Variants in ASMTL observed in about 807,000 individuals in gnomAD.
ASMTL encodes acetylserotonin O-methyltransferase like.
ASMTL carries 57 observed loss-of-function variants against 60.3 expected under a neutral mutation model. That is an observed-to-expected ratio of 0.95 (90% CI 0.76 to 1.18). The LOEUF is 1.18. ASMTL is among the 50% of genes most tolerant of loss of function. The pLI, the probability that ASMTL is intolerant of heterozygous loss-of-function variation, is 0.00. For missense variants in ASMTL, 981 were observed against 852.6 expected (o/e 1.15, Z -1.88); for synonymous variants, 419 against 373.0 (o/e 1.12, Z -1.42).
rs1218809137 is a variant in ASMTL at position 1,439,274 on chromosome X, G to A, written c.226-130C>T. 36 of 855,304 alleles carry A rather than the reference G, an allele frequency of 4.2e-5. No individual in the cohort carries two copies. The Admixed American group carries it at 5.6e-4, about 13-fold the overall frequency. 53.0% of individuals were successfully genotyped at this position (855,304 alleles called of 1,614,324 possible). A position where few individuals can be genotyped will look rare whatever the true frequency, so the allele number is the denominator to read the frequency against. On this transcript the variant is annotated intron_variant, in intron 2 of 12. Transcript: ENST00000381317. ...GGCCGACTTTGGAAGTGAAGGCTGGGGGTGCTCAAGGTCACGAGCAAGGAC... is the reference window on the plus strand; with the variant it reads ...GGCCGACTTTGGAAGTGAAGGCTGGAGGTGCTCAAGGTCACGAGCAAGGAC...
intron 7 of ASMTL, 154 bp downstream of exon 7, chrX:1,427,580 C>G: frequency 1.3e-6 from 1 of 763,874 alleles, no homozygotes; most frequent in African/African-American, 1.7e-5. Flanking sequence ...GCAGGAAGGA[C>G]CCTCTCCTAG....
chrX:1,414,774 T>C (rs1372151340), intron 11 of ASMTL, among the ~76,000 whole-genome samples: 4 of 152,216 alleles, frequency 2.6e-5, no homozygotes, highest in African/African-American at 9.6e-5. Flanking sequence ...GCTATCATGA[T>C]GTCCTGCAGG....
Position 1,432,307 on chromosome X carries a change from C to T in ASMTL, c.471G>A (p.Glu157=). ...ETKVKFSELS[E]ELLWEYVHSG... is the part of the protein sequence containing the mutation. ...TGTGGACGTATTCCCAGAGCAGCTC[C>T]TCGGACAGCTCCGAGAACTTCACCT... Residue 157 remains glutamate, a synonymous_variant, in exon 6 of 13, where the codon GAG becomes GAA. Transcript: ENST00000381317. The T allele has an allele frequency of 6.2e-7, 1 of 1,613,146 alleles. No individual in the cohort carries two copies. The highest frequency in any genetic ancestry group is 2.2e-5 in the East Asian group (1 of 44,856).
At chrX:1,441,386 C>T (rs1229098645) in intron 2 of ASMTL, among the ~76,000 whole-genome samples, 2 of 152,118 alleles carry the variant, frequency 1.3e-5, no homozygotes, top group African/African-American at 4.8e-5. Context: ...ACGCAATTCT[C>T]CTGCCTCAGC....
intron 11 of ASMTL, among the ~76,000 whole-genome samples, chrX:1,415,912 A>G (rs1163635095): frequency 3.3e-5 from 5 of 152,154 alleles, no homozygotes; most frequent in African/African-American, 9.7e-5. Context: ...AAAGGCACAC[A>G]TGCAAGCACA....
At chrX:1,439,237 G>A (rs1173228017) in intron 2 of ASMTL, 93 bp from the exon 3 acceptor site, 1 of 1,382,532 alleles carries the variant, frequency 7.2e-7, no homozygotes, top group African/African-American at 1.4e-5. Context: ...GAGCACCGCA[G>A]GGGCGAAGCC....
rs1329717845 is a variant in ASMTL at position 1,421,743 on chromosome X, A to G, written c.1160T>C (p.Leu387Pro). The change falls in exon 9 of 13, where the codon CTC (leucine) becomes CCC (proline). Residue 387 changes from leucine to proline, a missense_variant. Leu to Pro is a moderately conservative substitution (Grantham distance 98). Coordinates refer to ENST00000381317, the MANE Select transcript of ASMTL (RefSeq NM_004192.4). ...GATGGCAAACTCCAGGTATGTAAAG[A>G]GGTTCCATGTGAGGTCATTATTGTG... ...IMHNNDLTWN[L>P]FTYLEFAIRE... 6.2e-7 allele frequency: 1 copy of G among 1,613,728 alleles called. No homozygotes were observed. The highest frequency in any genetic ancestry group is 8.5e-7 in the Non-Finnish European group (1 of 1,179,850).
At chrX:1,452,463 G>A (rs1388693002) in intron 1 of ASMTL, among the ~76,000 whole-genome samples, 88 of 148,982 alleles carry the variant, frequency 5.9e-4, no homozygotes, top group Admixed American at 1.4e-3. Flanking sequence ...ATTCCTAGGG[G>A]TCCCGGGTTA....
chrX:1,415,433 A>C (rs2090204834), intron 11 of ASMTL, among the ~76,000 whole-genome samples: 1 of 147,294 alleles, frequency 6.8e-6, no homozygotes, highest in Non-Finnish European at 1.5e-5. Flanking sequence ...ACAGTCGTCC[A>C]CCTGTTTATT....
chrX:1,452,936 G>C (rs758155482), upstream of ASMTL: 35 of 978,860 alleles, frequency 3.6e-5, no homozygotes, highest in African/African-American at 4.5e-4. Context: ...CCAGAGTCCC[G>C]CCTCCGCGAG....
At chrX:1,405,091 A>G (rs12837274) in intron 12 of ASMTL, among the ~76,000 whole-genome samples, 1 of 150,724 alleles carries the variant, frequency 6.6e-6, no homozygotes, top group Admixed American at 6.6e-5. Flanking sequence ...TGCATGGATG[A>G]GATGGATGGA....
chrX:1,417,414 A>AGACG (rs368957944), intron 11 of ASMTL, among the ~76,000 whole-genome samples: 2 of 150,380 alleles, frequency 1.3e-5, no homozygotes, highest in African/African-American at 2.4e-5. Flanking sequence ...ACGTGGACAC[A>AGACG]CAGTCTCATG....
chrX:1,450,847 C>A (rs2091352158), intron 1 of ASMTL, among the ~76,000 whole-genome samples: 1 of 144,084 alleles, frequency 6.9e-6, no homozygotes, highest in Non-Finnish European at 1.5e-5. Context: ...ATCACTCTCC[C>A]CTCCCCCATC....
chrX:1,412,243 T>A (rs1329588573), intron 12 of ASMTL, among the ~76,000 whole-genome samples: 1 of 151,880 alleles, frequency 6.6e-6, no homozygotes, highest in African/African-American at 2.4e-5. Context: ...GTTGTTCTTT[T>A]TTGACACCGA....
intron 2 of ASMTL, among the ~76,000 whole-genome samples, chrX:1,440,844 A>G (rs756627397): frequency 2.0e-5 from 3 of 152,324 alleles, no homozygotes; most frequent in African/African-American, 7.2e-5. Context: ...ATACAATTAT[A>G]TTAATTGTCA....
intron 5 of ASMTL, among the ~76,000 whole-genome samples, chrX:1,434,612 T>C (rs2090911369): frequency 2.6e-5 from 4 of 151,428 alleles, no homozygotes; most frequent in South Asian, 2.1e-4. Flanking sequence ...GAGACCAGCC[T>C]GGCCAACATG....
intron 8 of ASMTL, among the ~76,000 whole-genome samples, chrX:1,422,545 A>G (rs2149304366): frequency 6.6e-6 from 1 of 152,218 alleles, no homozygotes; most frequent in Non-Finnish European, 1.5e-5. Context: ...TCAGCTGTCC[A>G]TAGACCCAGT....
intron 5 of ASMTL, 149 bp downstream of exon 5, chrX:1,434,873 G>A (rs1264704034): frequency 4.2e-5 from 31 of 746,936 alleles, no homozygotes; most frequent in South Asian, 3.8e-4. Context: ...CCAAATCGGC[G>A]GACAACTTTC....
In ASMTL at chrX:1,421,824, GTC is replaced by G. The variant is rs758447420; in HGVS notation, c.1077_1078del (p.Glu359AspfsTer22). On this transcript the variant is annotated frameshift_variant, in exon 9 of 13. Transcript: ENST00000381317. LOFTEE classifies it high-confidence loss of function. Reference sequence around the variant, plus strand: ...ATCCGATGCCAGGTAGACGTTCGCTGTCTCTGTGTTACTGTAACCTGGAGAAA... The same window carrying G: ...ATCCGATGCCAGGTAGACGTTCGCTGTCTGTGTTACTGTAACCTGGAGAAA... 5 of 1,613,742 alleles carry G rather than the reference GTC, an allele frequency of 3.1e-6. No homozygotes were observed. The East Asian group carries it at 1.1e-4, about 36-fold the overall frequency.
Sources: gnomAD v4.1 joint callset for allele counts (sites outside exome capture counted in the v4.1 genomes callset) on GRCh38, gnomAD v4.1.1 for gene constraint, MANE v1.5 for transcripts, NCBI Gene and HGNC (gene_info 2026-07-23, HGNC 2026-07-21) for gene names.